The following LRMDA variants were observed in gnomAD, a reference collection of about 807,000 sequenced individuals.
LRMDA encodes leucine rich melanocyte differentiation associated.
A neutral mutation model predicts 29.8 loss-of-function variants in LRMDA; 18 were observed. The ratio of observed to expected loss-of-function variants is 0.60; its 90% CI spans 0.42 to 0.90. The LOEUF (loss-of-function observed/expected upper bound fraction) is 0.90, where lower values mean the gene tolerates loss of function less well. Among genes scored for constraint, LRMDA ranks in the 40% least tolerant of loss-of-function variants. The probability of loss-of-function intolerance (pLI) is 0.00; values close to 1 mark genes in which losing one functional copy is unlikely to be tolerated. For missense variants in LRMDA, 273 were observed against 273.9 expected (o/e 1.00, Z 0.02); for synonymous variants, 125 against 109.4 (o/e 1.14, Z -0.89).
At chr10:76,261,502 C>G (rs1205060389) in intron 5 of LRMDA, among the ~76,000 whole-genome samples, 1 of 152,048 alleles carries the variant, frequency 6.6e-6, no homozygotes, top group East Asian at 1.9e-4. Flanking sequence ...AAATGACACC[C>G]TAGTTGTTAC....
At chr10:76,552,686 A>G (rs1271695166) in intron 6 of LRMDA, among the ~76,000 whole-genome samples, 3 of 152,214 alleles carry the variant, frequency 2.0e-5, no homozygotes, top group African/African-American at 4.8e-5. Context: ...ACATGGTCAC[A>G]TGACTGTTGG....
At chr10:76,207,622 A>G (rs1851561106) in intron 5 of LRMDA, among the ~76,000 whole-genome samples, 1 of 152,120 alleles carries the variant, frequency 6.6e-6, no homozygotes, top group Admixed American at 6.5e-5. Flanking sequence ...CTACCTATCC[A>G]ATGGGATCAT....
chr10:76,398,512 G>A (rs1270533841), intron 6 of LRMDA, among the ~76,000 whole-genome samples: 2 of 152,172 alleles, frequency 1.3e-5, no homozygotes, highest in East Asian at 3.8e-4. Context: ...TTTAAGCTTG[G>A]ATTTTTTTGC....
At position 76,279,458 on chromosome 10, in the gene LRMDA, A is replaced by T. The variant is rs73289041; in HGVS notation, c.517-44943A>T. ...AAATGAAAAGAAATAAAGTTTACAC[A>T]GCATGGGATAAGAATATGAGATTTA... On this transcript the variant is annotated intron_variant, in intron 5 of 6. Transcript: ENST00000611255. 8.2e-3 allele frequency among the ~76,000 whole-genome samples: 1,247 copies of T among 152,232 alleles called. 15 individuals are homozygous for T. The highest frequency in any genetic ancestry group is 0.028 in the African/African-American group (1,144 of 41,552).
intron 5 of LRMDA, among the ~76,000 whole-genome samples, chr10:76,194,891 A>G (rs1851306873): frequency 6.6e-6 from 1 of 152,220 alleles, no homozygotes; most frequent in Admixed American, 6.6e-5. Context: ...GTACAATATG[A>G]ATCTCCAAGA....
In LRMDA at chr10:75,930,712, A is replaced by G. The variant is rs1001405605; in HGVS notation, c.132-105296A>G. Reference sequence around the variant, plus strand: ...TCCACTCCTATGCTTCATACCTGCTATATATTCTTTGAGTGCAATGTTCAT... The same window carrying G: ...TCCACTCCTATGCTTCATACCTGCTGTATATTCTTTGAGTGCAATGTTCAT... On this transcript the variant is annotated intron_variant, in intron 2 of 6. Coordinates refer to ENST00000611255, the MANE Select transcript of LRMDA (RefSeq NM_001305581.2). Among the ~76,000 whole-genome samples the G allele has an allele frequency of 4.6e-5, 7 of 152,194 alleles. No homozygotes were observed. The South Asian group carries it at 1.0e-3, about 23-fold the overall frequency.
intron 3 of LRMDA, among the ~76,000 whole-genome samples, 157 bp downstream of exon 3, chr10:76,036,291 C>G (rs1848244813): frequency 6.6e-6 from 1 of 151,998 alleles, no homozygotes; most frequent in Non-Finnish European, 1.5e-5. Context: ...ACAAAGCATT[C>G]TGTCTTCTGG....
chr10:75,809,234 C>T (rs1364459991), intron 2 of LRMDA, among the ~76,000 whole-genome samples: 7 of 152,312 alleles, frequency 4.6e-5, no homozygotes, highest in Admixed American at 2.6e-4. Context: ...GCACTCTTAG[C>T]GTCAGTGATG....
At chr10:75,706,232 T>G (rs1373736180) in intron 2 of LRMDA, among the ~76,000 whole-genome samples, 1 of 147,590 alleles carries the variant, frequency 6.8e-6, no homozygotes, top group Admixed American at 6.7e-5. Flanking sequence ...GACTATATAG[T>G]TTTCTCACAT....
At chr10:75,959,969 T>C (rs1846734637) in intron 2 of LRMDA, among the ~76,000 whole-genome samples, 1 of 152,228 alleles carries the variant, frequency 6.6e-6, no homozygotes, top group Non-Finnish European at 1.5e-5. Flanking sequence ...AGTGGGACCA[T>C]CCAGTAGAAT....
At chr10:76,266,335 C>G (rs1327571132) in intron 5 of LRMDA, among the ~76,000 whole-genome samples, 1 of 152,122 alleles carries the variant, frequency 6.6e-6, no homozygotes, top group Non-Finnish European at 1.5e-5. Context: ...CCATAGAATA[C>G]TCCTTTGCAA....
intron 2 of LRMDA, among the ~76,000 whole-genome samples, chr10:75,959,037 A>G (rs1385418062): frequency 6.6e-6 from 1 of 152,210 alleles, no homozygotes; most frequent in African/African-American, 2.4e-5. Flanking sequence ...CATGGTAATT[A>G]TGGAAGCTAC....
At chr10:76,170,806 T>G (rs11001662) in intron 5 of LRMDA, among the ~76,000 whole-genome samples, 17,884 of 152,278 alleles carry the variant, frequency 0.12, 1,545 homozygotes, top group African/African-American at 0.24. Context: ...GAAGTTCACC[T>G]TCTCTTATTT....
intron 2 of LRMDA, among the ~76,000 whole-genome samples, chr10:75,513,268 G>GCTGTCT (rs925513403): frequency 3.1e-4 from 47 of 152,240 alleles, no homozygotes; most frequent in Admixed American, 2.5e-3. Context: ...GTGCATGCTT[G>GCTGTCT]CTGTCTCTGT....
chr10:75,801,663 G>A (rs1843745033), intron 2 of LRMDA, among the ~76,000 whole-genome samples: 6 of 152,224 alleles, frequency 3.9e-5, no homozygotes, highest in Admixed American at 3.9e-4. Flanking sequence ...AGCTGGGGTG[G>A]AAGCTGGAGG....
chr10:75,925,087 A>G (rs1846097255), intron 2 of LRMDA, among the ~76,000 whole-genome samples: 2 of 152,170 alleles, frequency 1.3e-5, no homozygotes, highest in Admixed American at 1.3e-4. Flanking sequence ...TCTCCCAGAG[A>G]TGACACCAAT....
At chr10:75,530,923 G>A (rs1845469922) in intron 2 of LRMDA, among the ~76,000 whole-genome samples, 1 of 152,042 alleles carries the variant, frequency 6.6e-6, no homozygotes, top group African/African-American at 2.4e-5. Flanking sequence ...TGGGCTTTTT[G>A]GTAACTAATA....
intron 5 of LRMDA, among the ~76,000 whole-genome samples, chr10:76,281,358 A>G (rs16933167): frequency 0.067 from 10,174 of 152,234 alleles, 872 homozygotes; most frequent in African/African-American, 0.2. Context: ...CAGGTTGAGA[A>G]TAGGGAACAG....
chr10:76,064,302 A>G (rs1167064252), intron 5 of LRMDA, among the ~76,000 whole-genome samples: 1 of 152,122 alleles, frequency 6.6e-6, no homozygotes, highest in Non-Finnish European at 1.5e-5. Flanking sequence ...GTAGCATTTC[A>G]CGGGGAGGCA....
Sources: gnomAD v4.1 joint callset for allele counts (sites outside exome capture counted in the v4.1 genomes callset) on GRCh38, gnomAD v4.1.1 for gene constraint, MANE v1.5 for transcripts, NCBI Gene and HGNC (gene_info 2026-07-23, HGNC 2026-07-21) for gene names.